NT5E: variants seen among roughly 807,000 people sequenced by gnomAD.
NT5E encodes 5'-nucleotidase ecto, also known as 5'-nucleotidase.
Under a neutral mutation model 55.1 loss-of-function variants are expected in NT5E, and 53 were observed. The ratio of observed to expected loss-of-function variants is 0.96; its 90% CI spans 0.77 to 1.21. The LOEUF is 1.21. NT5E is among the 50% of genes most tolerant of loss of function. The probability of loss-of-function intolerance (pLI) is 0.00; values close to 1 mark genes in which losing one functional copy is unlikely to be tolerated. For missense variants in NT5E, 683 were observed against 724.3 expected, an observed-to-expected ratio of 0.94 and a Z score of 0.65; for synonymous variants, 270 against 278.4, an observed-to-expected ratio of 0.97 and a Z score of 0.30.
At chr6:85,455,528 G>A (rs746484546) in intron 1 of NT5E, among the ~76,000 whole-genome samples, 3 of 152,148 alleles carry the variant, frequency 2.0e-5, no homozygotes, top group Admixed American at 6.5e-5. Flanking sequence ...CCCATATCTT[G>A]GCCTATCCAT....
intron 6 of NT5E, among the ~76,000 whole-genome samples, chr6:85,490,125 T>C (rs912225926): frequency 6.6e-6 from 1 of 152,228 alleles, no homozygotes; most frequent in Non-Finnish European, 1.5e-5. Context: ...AGTATCAGTA[T>C]AAGGCCCCAA....
intron 7 of NT5E, chr6:85,490,929 C>A: frequency 1.8e-6 from 1 of 555,878 alleles, no homozygotes; most frequent in South Asian, 1.8e-5. Context: ...AGCAGGTCAC[C>A]TGCTTTGAGG....
In NT5E at chr6:85,460,095, T is replaced by C. The variant is rs199502845; in HGVS notation, c.340-6965T>C. Among the ~76,000 whole-genome samples the C allele has an allele frequency of 4.6e-5, 7 of 152,356 alleles. No individual in the cohort carries two copies. In the East Asian group the frequency reaches 1.2e-3, roughly 25 times the overall value. On this transcript the variant is annotated intron_variant, in intron 1 of 8. Transcript: ENST00000257770. ...TGAAGTAATAATATCTCTATTCATA[T>C]GCTAAAAAGAATTCAAAATAACATT...
intron 1 of NT5E, among the ~76,000 whole-genome samples, chr6:85,464,746 G>A (rs1582372875): frequency 6.6e-6 from 1 of 152,216 alleles, no homozygotes; most frequent in East Asian, 1.9e-4. Context: ...GGAGGCTGTG[G>A]TAGTCCAGGA....
chr6:85,455,004 G>T (rs549992258), intron 1 of NT5E, among the ~76,000 whole-genome samples: 3 of 152,186 alleles, frequency 2.0e-5, no homozygotes, highest in Middle Eastern at 3.2e-3. Context: ...AATGGACCAG[G>T]TTGGACCAGA....
intron 3 of NT5E, among the ~76,000 whole-genome samples, chr6:85,479,799 T>C (rs148805225): frequency 9.2e-4 from 140 of 152,300 alleles, no homozygotes; most frequent in African/African-American, 3.4e-3. Context: ...AAACAGGCCA[T>C]AGTGATAGAA....
At position 85,481,693 on chromosome 6, in the gene NT5E, G is replaced by T. The variant is rs560189385; in HGVS notation, c.752-3542G>T. Among the ~76,000 whole-genome samples the T allele has an allele frequency of 6.6e-5, 10 of 152,336 alleles. No individual in the cohort carries two copies. The East Asian group carries it at 1.9e-3, about 29-fold the overall frequency. On this transcript the variant is annotated intron_variant, in intron 3 of 8. Coordinates refer to ENST00000257770, the MANE Select transcript of NT5E (RefSeq NM_002526.4). ...CTAGGAATGGGAAGAGGCTAAGAAT[G>T]CTGAAGGGCAGACTGAATGTTCCAG...
chr6:85,474,671 A>G (rs1320467910), intron 3 of NT5E, among the ~76,000 whole-genome samples: 4 of 152,238 alleles, frequency 2.6e-5, no homozygotes, highest in Admixed American at 6.5e-5. Context: ...GCTCATGCCT[A>G]TAATCCCAGA....
chr6:85,452,220 T>C (rs1292581856), intron 1 of NT5E, among the ~76,000 whole-genome samples: 1 of 152,242 alleles, frequency 6.6e-6, no homozygotes, highest in Non-Finnish European at 1.5e-5. Context: ...ATGTGTTTGT[T>C]TTATTTTGCA....
chr6:85,471,169 A>T, intron 2 of NT5E, 68 bp from the exon 3 acceptor site: 1 of 1,092,868 alleles, frequency 9.2e-7, no homozygotes, highest in Non-Finnish European at 1.3e-6. Flanking sequence ...TTTGCATGTT[A>T]ATATGTATAT....
At chr6:85,473,445 A>G (rs578211828) in intron 3 of NT5E, among the ~76,000 whole-genome samples, 2 of 152,256 alleles carry the variant, frequency 1.3e-5, no homozygotes, top group African/African-American at 4.8e-5. Context: ...TTAGCTTTTC[A>G]CTGAGGCAGT....
intron 7 of NT5E, 104 bp from the exon 8 acceptor site, chr6:85,491,872 GA>G (rs1170295675): frequency 9.9e-7 from 1 of 1,005,992 alleles, no homozygotes; most frequent in African/African-American, 1.6e-5. Context: ...TAAACCAAAG[GA>G]AAAACCACAG....
chr6:85,485,642 G>A (rs1046222522), intron 4 of NT5E, among the ~76,000 whole-genome samples: 2 of 152,166 alleles, frequency 1.3e-5, no homozygotes, highest in African/African-American at 4.8e-5. Flanking sequence ...AGTCTTCTCA[G>A]CATCAGATTC....
At chr6:85,461,465 T>C (rs1769097292) in intron 1 of NT5E, among the ~76,000 whole-genome samples, 1 of 152,172 alleles carries the variant, frequency 6.6e-6, no homozygotes, top group Non-Finnish European at 1.5e-5. Context: ...CCCTGAAGGC[T>C]AAAAATGCCT....
At chr6:85,487,583 A>G in intron 5 of NT5E, 94 bp downstream of exon 5, 1 of 1,503,616 alleles carries the variant, frequency 6.7e-7, no homozygotes, top group Non-Finnish European at 9.2e-7. Flanking sequence ...ATCGATAGCT[A>G]CAGAATGAGG....
Position 85,493,984 on chromosome 6 carries a change from A to G in NT5E, c.1705A>G (p.Ile569Val), listed in dbSNP as rs1262403457. ...SLIFLSLWAV[I>V]FVLYQ ...AATATTTCTTTCACTTTGGGCAGTG[A>G]TCTTTGTTTTATACCAATAGCCAAA... is the stretch of plus-strand genomic sequence containing the variant. Residue 569 changes from isoleucine to valine, a missense_variant, in exon 9 of 9, where the codon ATC (isoleucine) becomes GTC (valine). Coordinates refer to ENST00000257770, the MANE Select transcript of NT5E (RefSeq NM_002526.4). 6.2e-7 allele frequency: 1 copy of G among 1,614,014 alleles called. No individual in the cohort carries two copies. Among genetic ancestry groups the G allele is most frequent in the Non-Finnish European group, 8.5e-7 (1 of 1,179,970 alleles).
intron 5 of NT5E, among the ~76,000 whole-genome samples, chr6:85,487,954 G>A (rs1466936497): frequency 1.3e-5 from 2 of 152,120 alleles, no homozygotes; most frequent in African/African-American, 4.8e-5. Flanking sequence ...GTAAGATGAT[G>A]CAAATGCACA....
At position 85,495,102 on chromosome 6, in the gene NT5E, A is replaced by G. The variant is rs1464660854; in HGVS notation, c.*1098A>G. On this transcript the variant is annotated 3_prime_UTR_variant, in exon 9 of 9. Transcript: ENST00000257770. ...TTCATTCTACTCATACTACACACCC[A>G]GTTATGGAATGTCCAGAGTTCTCGA... 6.6e-6 allele frequency: 1 copy of G among 152,248 alleles called. No individual in the cohort carries two copies. The highest frequency in any genetic ancestry group is 1.5e-5 in the Non-Finnish European group (1 of 68,046). The allele number at this position is 152,248 out of a possible 1,614,324, so 9.4% of individuals were successfully genotyped here. A position where few individuals can be genotyped will look rare whatever the true frequency, so the allele number is the denominator to read the frequency against.
chr6:85,467,183 T>A lies in NT5E; in HGVS notation c.463T>A (p.Ser155Thr). 1 of 1,614,140 alleles carries A rather than the reference T, an allele frequency of 6.2e-7. No homozygotes were observed. Among genetic ancestry groups the A allele is most frequent in the East Asian group, 2.2e-5 (1 of 44,878 alleles). ...AAAGGGGCCACTAGCATCTCAAATA[T>A]CAGGACTTTATTTGCCATATAAAGT... ...KAKGPLASQI[S>T]GLYLPYKVLP... The change falls in exon 2 of 9, where the codon TCA becomes ACA. Residue 155 changes from serine (S) to threonine (T), a missense_variant. Transcript: ENST00000257770.
Sources: allele counts gnomAD v4.1 joint callset (sites outside exome capture counted in the v4.1 genomes callset), GRCh38; gene constraint gnomAD v4.1.1; transcripts MANE v1.5; gene names NCBI Gene and HGNC (gene_info 2026-07-23, HGNC 2026-07-21).